GARIN5B: variants seen among roughly 807,000 people sequenced by gnomAD.
The protein encoded by GARIN5B is Golgi-associated RAB2 interactor protein 5B.
chr19:55,363,218 C>T, the GARIN5B span: 73 of 763,580 alleles, frequency 9.6e-5, no homozygotes, highest in South Asian at 2.3e-4. This position sits in a 1 kb window ranked among gnomAD's most constrained non-coding sequence, Gnocchi z 4.0. Context: ...CTGGGAGACT[C>T]GGGCCTCCGC....
At chr19:55,362,800 C>T in the GARIN5B span, 2 of 1,490,164 alleles carry the variant, frequency 1.3e-6, no homozygotes, top group South Asian at 2.6e-5. Context: ...GAGCCTCCCT[C>T]CTGATCGTCC....
At chr19:55,362,846 A>G in the GARIN5B span, 1 of 1,470,130 alleles carries the variant, frequency 6.8e-7, no homozygotes, top group African/African-American at 1.4e-5. Context: ...TTCCCTCTCA[A>G]GATCCCCCAG....
chr19:55,355,539 C>G, the GARIN5B span, among the ~76,000 whole-genome samples: 1 of 152,038 alleles, frequency 6.6e-6, no homozygotes. Context: ...AAATCCGAGG[C>G]GGAATCAATG....
At chr19:55,362,432 A>G in the GARIN5B span, 20 of 1,550,196 alleles carry the variant, frequency 1.3e-5, no homozygotes, top group South Asian at 2.4e-4. Context: ...GCGGCCCGAG[A>G]CCAGGCGCAG....
the GARIN5B span, chr19:55,362,666 C>T: frequency 5.2e-6 from 8 of 1,546,030 alleles, no homozygotes; most frequent in Non-Finnish European, 7.0e-6. Flanking sequence ...GGCAGGGAGG[C>T]GGCCACGCCC....
the GARIN5B span, chr19:55,360,729 A>C: frequency 6.4e-7 from 1 of 1,551,710 alleles, no homozygotes; most frequent in Non-Finnish European, 8.7e-7. Flanking sequence ...CGGTGCTGGA[A>C]ATGATGCTGA....
chr19:55,362,745 G>A, the GARIN5B span: 10 of 1,524,392 alleles, frequency 6.6e-6, no homozygotes, highest in African/African-American at 9.6e-5. Context: ...GGGGCAGCCA[G>A]GGAGAGGGGG....
At chr19:55,362,756 C>G in the GARIN5B span, 1 of 1,516,492 alleles carries the variant, frequency 6.6e-7, no homozygotes, top group Non-Finnish European at 8.9e-7. Context: ...GGAGAGGGGG[C>G]TGGGACCACT....
chr19:55,361,678 GGCCTC>G, the GARIN5B span, among the ~76,000 whole-genome samples: 1 of 24,690 alleles, frequency 4.1e-5, no homozygotes, highest in African/African-American at 9.0e-5. Context: ...CAGGGGTCCA[GGCCTC>G]AGTTCCTCCT....
chr19:55,363,032 G>A, the GARIN5B span: 48 of 1,496,332 alleles, frequency 3.2e-5, no homozygotes, highest in Middle Eastern at 1.7e-4. This position sits in a 1 kb window ranked among gnomAD's most constrained non-coding sequence, Gnocchi z 4.0. Context: ...GCCCTGGAGC[G>A]GCTCAAGGCA....
At chr19:55,358,610 A>C in the GARIN5B span, 1 of 1,551,336 alleles carries the variant, frequency 6.4e-7, no homozygotes, top group Non-Finnish European at 8.7e-7. Context: ...TCTGACCACC[A>C]CTGGCTTCCC....
the GARIN5B span, chr19:55,359,064 T>A: frequency 6.4e-7 from 1 of 1,551,360 alleles, no homozygotes; most frequent in Non-Finnish European, 8.7e-7. Flanking sequence ...TGAGTCGTCA[T>A]CTCCACCACG....
the GARIN5B span, chr19:55,358,594 C>A: frequency 6.4e-7 from 1 of 1,551,466 alleles, no homozygotes; most frequent in Middle Eastern, 1.7e-4. Flanking sequence ...GCGACTCTGG[C>A]TGCTCTCTGA....
the GARIN5B span, chr19:55,358,040 T>A: frequency 8.0e-7 from 1 of 1,247,562 alleles, no homozygotes; most frequent in South Asian, 2.2e-5. Context: ...GGTGACAGAG[T>A]GAGACCCTGT....
the GARIN5B span, among the ~76,000 whole-genome samples, chr19:55,357,673 T>A: frequency 4.6e-5 from 7 of 152,154 alleles, no homozygotes; most frequent in African/African-American, 9.7e-5. Flanking sequence ...CAGGAGCACA[T>A]CCCACCACCA....
the GARIN5B span, chr19:55,361,376 C>G: frequency 8.9e-5 from 137 of 1,536,274 alleles, no homozygotes; most frequent in Non-Finnish European, 1.2e-4. Context: ...CGGGGAGAAC[C>G]CAGAGGTCCT....
At chr19:55,362,728 G>A in the GARIN5B span, 1 of 1,530,656 alleles carries the variant, frequency 6.5e-7, no homozygotes, top group South Asian at 1.2e-5. Flanking sequence ...CCCTTGATGG[G>A]TCACCTGGGG....
At chr19:55,361,200 C>A in the GARIN5B span, 1 of 1,551,082 alleles carries the variant, frequency 6.4e-7, no homozygotes, top group Non-Finnish European at 8.7e-7. Flanking sequence ...CTCTGAGCAG[C>A]CACCGTCTTA....
the GARIN5B span, among the ~76,000 whole-genome samples, chr19:55,357,380 T>C: frequency 6.6e-6 from 1 of 152,196 alleles, no homozygotes; most frequent in South Asian, 2.1e-4. Context: ...TCCTCCATGA[T>C]GGGCGCCCCC....
Sources: allele counts gnomAD v4.1 joint callset (sites outside exome capture counted in the v4.1 genomes callset), GRCh38; gene constraint gnomAD v4.1.1; non-coding constraint Gnocchi (gnomAD v3.1); transcripts MANE v1.5; gene names NCBI Gene and HGNC (gene_info 2026-07-23, HGNC 2026-07-21).